The following CRISPLD1 variants were observed in gnomAD, a reference collection of about 807,000 sequenced individuals.
The protein encoded by CRISPLD1 is cysteine-rich secretory protein LCCL domain-containing 1.
A neutral mutation model predicts 77.5 loss-of-function variants in CRISPLD1; 60 were observed. That is an observed-to-expected ratio of 0.77 (90% confidence interval 0.63 to 0.96). CRISPLD1 has a LOEUF of 0.96. Ranked by LOEUF, CRISPLD1 falls within the 40% of genes least tolerant of loss-of-function variation. CRISPLD1 has a pLI of 0.00. For missense variants in CRISPLD1, 623 were observed against 615.8 expected (o/e 1.01, Z -0.12); for synonymous variants, 195 against 200.1 (o/e 0.97, Z 0.22).
chr8:75,022,773 T>C (rs1813160741), intron 12 of CRISPLD1, among the ~76,000 whole-genome samples: 1 of 151,970 alleles, frequency 6.6e-6, no homozygotes, highest in South Asian at 2.1e-4. Context: ...AATAAATAAA[T>C]TAATGAAATT....
intron 2 of CRISPLD1, among the ~76,000 whole-genome samples, chr8:75,005,345 G>A (rs1210527517): frequency 5.9e-5 from 9 of 152,106 alleles, no homozygotes; most frequent in African/African-American, 2.2e-4. Flanking sequence ...TTTCAGCTCC[G>A]TAATGTTAGA....
intron 13 of CRISPLD1, among the ~76,000 whole-genome samples, chr8:75,029,069 A>C (rs765567311): frequency 6.6e-6 from 1 of 152,186 alleles, no homozygotes; most frequent in Non-Finnish European, 1.5e-5. Context: ...GAGATAAAAG[A>C]AGCTAATTTG....
At chr8:74,990,109 A>AG (rs1812550701) in intron 2 of CRISPLD1, among the ~76,000 whole-genome samples, 1 of 152,158 alleles carries the variant, frequency 6.6e-6, no homozygotes, top group South Asian at 2.1e-4. Flanking sequence ...AAAGGTGGGA[A>AG]GGGTGGCAAG....
chr8:75,002,461 A>T (rs1812760110), intron 2 of CRISPLD1, among the ~76,000 whole-genome samples: 1 of 149,582 alleles, frequency 6.7e-6, no homozygotes, highest in African/African-American at 2.5e-5. Flanking sequence ...AGCAGGAAAC[A>T]AATGCCACAA....
chr8:75,008,784 G>A (rs1253160275), intron 2 of CRISPLD1, among the ~76,000 whole-genome samples: 1 of 152,046 alleles, frequency 6.6e-6, no homozygotes, highest in Non-Finnish European at 1.5e-5. Context: ...CTTATGCATT[G>A]TATATATTCA....
Position 75,003,841 on chromosome 8 carries a change from G to A in CRISPLD1, c.259-8592G>A, listed in dbSNP as rs75922062. Among the ~76,000 whole-genome samples, 1,350 of 152,196 alleles carry A rather than the reference G, an allele frequency of 8.9e-3. 22 individuals are homozygous for A. The highest frequency in any genetic ancestry group is 0.031 in the African/African-American group (1,291 of 41,528). On this transcript the variant is annotated intron_variant, in intron 2 of 14. Transcript: ENST00000262207. ...AAATTCTATAGAAAATGTAAGGATT[G>A]TAATTCTATAGAAAATTAATGGCTT...
intron 13 of CRISPLD1, among the ~76,000 whole-genome samples, chr8:75,027,343 A>G (rs2128788765): frequency 6.6e-6 from 1 of 152,350 alleles, no homozygotes; most frequent in South Asian, 2.1e-4. Flanking sequence ...ATTAATAAAT[A>G]TATAGGAATA....
intron 2 of CRISPLD1, among the ~76,000 whole-genome samples, chr8:75,007,556 T>C (rs943609187): frequency 3.3e-5 from 5 of 151,978 alleles, no homozygotes; most frequent in African/African-American, 9.7e-5. Context: ...GGTTTACCAG[T>C]TTTCAGTTAT....
rs1167054616 is a variant in CRISPLD1 at position 75,032,246 on chromosome 8, T to C, written c.*4T>C. ...CAGAGTGTTTGCTGTTGTGTGAAAC[T>C]GAATACTTGGAAGAGGACCATAAAG... On this transcript the variant is annotated 3_prime_UTR_variant, in exon 15 of 15. Coordinates refer to ENST00000262207, the MANE Select transcript of CRISPLD1 (RefSeq NM_031461.6). 1.9e-6 allele frequency: 3 copies of C among 1,602,956 alleles called. No homozygotes were observed. The highest frequency in any genetic ancestry group is 1.3e-5 in the African/African-American group (1 of 74,484).
intron 14 of CRISPLD1, among the ~76,000 whole-genome samples, chr8:75,031,417 A>G (rs145571666): frequency 1.1e-3 from 166 of 152,260 alleles, no homozygotes; most frequent in African/African-American, 3.8e-3. Flanking sequence ...TGGTACTACC[A>G]ATCTGTTTTA....
intron 10 of CRISPLD1, among the ~76,000 whole-genome samples, chr8:75,018,579 C>T (rs542467021): frequency 6.6e-6 from 1 of 152,134 alleles, no homozygotes; most frequent in East Asian, 1.9e-4. Flanking sequence ...GTGTGAGCCA[C>T]CACATCTGGC....
chr8:75,020,041 G>C lies in CRISPLD1; in HGVS notation c.1206G>C (p.Gln402His), dbSNP rs1813104787. The change falls in exon 12 of 15, where the codon CAG becomes CAC. Residue 402 changes from glutamine (Q) to histidine (H), a missense_variant. Gln to His is a conservative substitution (Grantham distance 24). Transcript: ENST00000262207. Reference protein sequence around the residue: ...QAVTCETTVEQLCPFHKPASH... With the variant: ...QAVTCETTVEHLCPFHKPASH... Reference sequence around the variant, plus strand: ...TGACTTGTGAAACAACTGTGGAACAGCTCTGTCCATTTCATAAGCCTGCTT... The same window carrying C: ...TGACTTGTGAAACAACTGTGGAACACCTCTGTCCATTTCATAAGCCTGCTT... The C allele has an allele frequency of 1.7e-5, 28 of 1,614,006 alleles. No individual in the cohort carries two copies. The highest frequency in any genetic ancestry group is 2.3e-5 in the Non-Finnish European group (27 of 1,179,986).
chr8:74,986,328 C>T (rs1812495216), intron 2 of CRISPLD1, 83 bp downstream of exon 2: 1 of 1,332,428 alleles, frequency 7.5e-7, no homozygotes, highest in South Asian at 1.4e-5. Context: ...GTTCTTTAAT[C>T]ATTTATTTTA....
At chr8:75,018,692 C>T (rs2128786686) in intron 10 of CRISPLD1, among the ~76,000 whole-genome samples, 1 of 151,722 alleles carries the variant, frequency 6.6e-6, no homozygotes, top group African/African-American at 2.4e-5. Context: ...CTCACAAGTT[C>T]AACTTTTCCT....
rs1812950297 is a variant in CRISPLD1, at chr8:75,012,509, T to G, written c.335T>G (p.Leu112Trp). ...TTGTGGGAACATGGACCTGCAAGCT[T>G]GCTTCCATCAATTGGACAGAATTTG... The part of the protein sequence containing the change: ...SCLWEHGPAS[L>W]LPSIGQNLGA... The change falls in exon 3 of 15, where the codon TTG (leucine) becomes TGG (tryptophan). Residue 112 changes from leucine (L) to tryptophan (W), a missense_variant. By Grantham distance (61) the Leu-to-Trp change is moderately conservative (BLOSUM62 -2). Coordinates refer to ENST00000262207, the MANE Select transcript of CRISPLD1 (RefSeq NM_031461.6). The G allele has an allele frequency of 1.9e-6, 3 of 1,612,874 alleles. No individual in the cohort carries two copies. Among genetic ancestry groups the G allele is most frequent in the Non-Finnish European group, 2.5e-6 (3 of 1,179,196 alleles).
chr8:74,986,227 C>T lies in CRISPLD1; in HGVS notation c.240C>T (p.Ala80=), dbSNP rs772987800. 2 of 1,613,860 alleles carry T rather than the reference C, an allele frequency of 1.2e-6. No homozygotes were observed. The highest frequency in any genetic ancestry group is 2.7e-5 in the African/African-American group (2 of 74,880). Residue 80 remains alanine (A), a synonymous_variant, in exon 2 of 15, where the codon GCC becomes GCT. Transcript: ENST00000262207. ...NKLRSQVYPT[A]SNMEYMTWDV... Reference sequence around the variant, plus strand: ...TACGAAGTCAGGTGTATCCAACAGCCTCTAATATGGAGTATATGGTAAGGA... The same window carrying T: ...TACGAAGTCAGGTGTATCCAACAGCTTCTAATATGGAGTATATGGTAAGGA...
chr8:75,029,250 C>A (rs937643519), intron 13 of CRISPLD1, 137 bp from the exon 14 acceptor site: 93 of 878,314 alleles, frequency 1.1e-4, no homozygotes, highest in Non-Finnish European at 1.5e-4. Context: ...ATGCACAAAA[C>A]CTCATCCTGT....
intron 2 of CRISPLD1, among the ~76,000 whole-genome samples, chr8:74,990,548 G>C (rs10957747): frequency 0.14 from 21,264 of 151,978 alleles, 1,758 homozygotes; most frequent in African/African-American, 0.24. Flanking sequence ...TCCATGTCCT[G>C]TATCTCCAGC....
intron 1 of CRISPLD1, among the ~76,000 whole-genome samples, chr8:74,985,241 G>T (rs1231570589): frequency 6.6e-6 from 1 of 152,114 alleles, no homozygotes; most frequent in Non-Finnish European, 1.5e-5. Flanking sequence ...TTCTTCGGGT[G>T]CAGGCCACAG....
Sources: gnomAD v4.1 joint callset for allele counts (sites outside exome capture counted in the v4.1 genomes callset) on GRCh38, gnomAD v4.1.1 for gene constraint, MANE v1.5 for transcripts, NCBI Gene and HGNC (gene_info 2026-07-23, HGNC 2026-07-21) for gene names.